Variants in SGSM1 observed in about 807,000 individuals in gnomAD.
SGSM1 encodes RUN and TBC1 domain containing 2.
In SGSM1, 73 loss-of-function variants were observed where a neutral mutation model predicts 133.8. The ratio of observed to expected loss-of-function variants is 0.55; its 90% CI spans 0.45 to 0.66. SGSM1 has a LOEUF of 0.66. Ranked by LOEUF, SGSM1 falls within the 30% of genes least tolerant of loss-of-function variation. SGSM1 has a pLI of 0.00. For missense variants in SGSM1, 1,213 were observed against 1,448.1 expected (o/e 0.84, Z 2.64); for synonymous variants, 563 against 573.0 (o/e 0.98, Z 0.25).
chr22:24,915,111 C>T (rs1933777191), intron 22 of SGSM1, among the ~76,000 whole-genome samples: 2 of 152,240 alleles, frequency 1.3e-5, no homozygotes, highest in Middle Eastern at 3.4e-3. Context: ...CGCCTGTAGT[C>T]CTAGCTACTC....
At chr22:24,835,023 A>G (rs1254240634) in intron 2 of SGSM1, among the ~76,000 whole-genome samples, 1 of 152,020 alleles carries the variant, frequency 6.6e-6, no homozygotes, top group Non-Finnish European at 1.5e-5. Flanking sequence ...TCTGCGTTCA[A>G]CCTGCCTATT....
chr22:24,853,769 ATTTTTTTTT>A (rs57736929), intron 5 of SGSM1, among the ~76,000 whole-genome samples: 2 of 123,434 alleles, frequency 1.6e-5, no homozygotes, highest in African/African-American at 6.7e-5. Context: ...CGCCTGGTGA[ATTTTTTTTT>A]TTTTTTTTTT....
At chr22:24,864,527 A>C (rs1303118743) in intron 9 of SGSM1, among the ~76,000 whole-genome samples, 1 of 152,222 alleles carries the variant, frequency 6.6e-6, no homozygotes. Flanking sequence ...ATATTACAAC[A>C]TGGATGAACC....
At chr22:24,859,476 G>A (rs1930998519) in intron 8 of SGSM1, 1 of 562,618 alleles carries the variant, frequency 1.8e-6, no homozygotes, top group Non-Finnish European at 3.3e-6. Context: ...GAAAGTGATG[G>A]GGGTGGGAGG....
chr22:24,919,764 G>A, intron 23 of SGSM1, 62 bp from the exon 24 acceptor site: 1 of 1,594,796 alleles, frequency 6.3e-7, no homozygotes, highest in Non-Finnish European at 8.6e-7. Context: ...GCTTCCCAAG[G>A]CAGGGCAACA....
rs146384190 is a variant in SGSM1 at position 24,825,499 on chromosome 22, G to A, written c.63+19015G>A. On this transcript the variant is annotated intron_variant, in intron 2 of 24. Coordinates refer to ENST00000400358, the MANE Select transcript of SGSM1 (RefSeq NM_001098497.3). ...GGCTGAAGTGCAGTGGCATGATCTC[G>A]GCTCACTGCAACCCCTGCCTCCTGG... 5.9e-3 allele frequency among the ~76,000 whole-genome samples: 899 copies of A among 152,156 alleles called. 10 individuals are homozygous for A. The highest frequency in any genetic ancestry group is 0.021 in the African/African-American group (852 of 41,500).
chr22:24,852,275 AT>A (rs891095717), intron 5 of SGSM1, among the ~76,000 whole-genome samples: 2 of 152,072 alleles, frequency 1.3e-5, no homozygotes, highest in Non-Finnish European at 2.9e-5. Flanking sequence ...TATTTACTGA[AT>A]TTTTTTATAC....
At chr22:24,912,855 C>A in intron 22 of SGSM1, 103 bp downstream of exon 22, 1 of 713,002 alleles carries the variant, frequency 1.4e-6, no homozygotes, top group South Asian at 1.9e-5. Context: ...GGATTGGAAT[C>A]CAGGTTTGTA....
intron 17 of SGSM1, among the ~76,000 whole-genome samples, chr22:24,894,384 T>C (rs1932869059): frequency 6.6e-6 from 1 of 152,070 alleles, no homozygotes; most frequent in Non-Finnish European, 1.5e-5. Context: ...CGAGCGAAAC[T>C]CCCTCTCAAA....
intron 9 of SGSM1, among the ~76,000 whole-genome samples, chr22:24,866,178 C>T (rs1471850544): frequency 6.6e-6 from 1 of 152,172 alleles, no homozygotes; most frequent in African/African-American, 2.4e-5. Context: ...AATGGAAACA[C>T]TTAAATAATC....
Position 24,884,077 on chromosome 22 carries a change from C to A in SGSM1, c.1520C>A (p.Ser507Tyr). ...YGWLAYCRHL[S>Y]TVRTHLSALV... is the part of the protein sequence containing the mutation. ...GGGCTGGCCTACTGCAGACACCTGT[C>A]CACCGTGAGAACCCACCTATCAGCC... The change falls in exon 15 of 25, where the codon TCC becomes TAC. Residue 507 changes from serine (S) to tyrosine (Y), a missense_variant. Transcript: ENST00000400358. The A allele has an allele frequency of 6.2e-7, 1 of 1,613,080 alleles. No individual in the cohort carries two copies. The highest frequency in any genetic ancestry group is 8.5e-7 in the Non-Finnish European group (1 of 1,179,548).
chr22:24,827,702 C>T (rs1028567686), intron 2 of SGSM1, among the ~76,000 whole-genome samples: 12 of 152,014 alleles, frequency 7.9e-5, no homozygotes, highest in African/African-American at 2.9e-4. Flanking sequence ...TTCAGGCCTC[C>T]TCACCTTACC....
At chr22:24,842,975 G>C (rs993564740) in intron 2 of SGSM1, among the ~76,000 whole-genome samples, 1 of 152,048 alleles carries the variant, frequency 6.6e-6, no homozygotes, top group African/African-American at 2.4e-5. Flanking sequence ...ATTTGCCTGA[G>C]GAAACACAGC....
chr22:24,876,603 G>C lies in SGSM1; in HGVS notation c.1318G>C (p.Val440Leu), dbSNP rs772946127. The C allele has an allele frequency of 2.9e-5, 47 of 1,613,878 alleles. No homozygotes were observed. The highest frequency in any genetic ancestry group is 4.0e-5 in the Non-Finnish European group (47 of 1,179,906). Residue 440 changes from valine (V) to leucine (L), a missense_variant, in exon 13 of 25, where the codon GTA becomes CTA. Val to Leu is a conservative substitution (Grantham distance 32, BLOSUM62 1). Transcript: ENST00000400358. ...FVPQDLMDVS[V>L]SNLPSLWQPS... Reference sequence around the variant, plus strand: ...GCCCCAGGATCTGATGGACGTCTCTGTAAGCAACCTCCCATCCCTGTGGCA... The same window carrying C: ...GCCCCAGGATCTGATGGACGTCTCTCTAAGCAACCTCCCATCCCTGTGGCA...
rs1255575384 is a variant in SGSM1 at position 24,924,489 on chromosome 22, G to C, written c.*215G>C. The stretch of plus-strand genomic sequence containing the variant: ...AATTCAGCCTTACATTTTCCTGTTT[G>C]ACCAAAGATTGCCCAAGTCTGGCGT... On this transcript the variant is annotated 3_prime_UTR_variant, in exon 25 of 25. Coordinates refer to ENST00000400358, the MANE Select transcript of SGSM1 (RefSeq NM_001098497.3). 15 of 549,048 alleles carry C rather than the reference G, an allele frequency of 2.7e-5. No individual in the cohort carries two copies. Among genetic ancestry groups the C allele is most frequent in the Non-Finnish European group, 2.6e-5 (8 of 307,340 alleles). The allele number at this position is 549,048 out of a possible 1,614,324, so 34.0% of individuals were successfully genotyped here. A position where few individuals can be genotyped will look rare whatever the true frequency, so the allele number is the denominator to read the frequency against.
intron 2 of SGSM1, among the ~76,000 whole-genome samples, chr22:24,817,538 A>G (rs1477675337): frequency 6.6e-6 from 1 of 151,942 alleles, no homozygotes; most frequent in Non-Finnish European, 1.5e-5. Context: ...TTTTTAGTAG[A>G]GACTGGGTTT....
intron 2 of SGSM1, among the ~76,000 whole-genome samples, chr22:24,816,614 C>T (rs1219920016): frequency 6.6e-6 from 1 of 152,010 alleles, no homozygotes; most frequent in East Asian, 1.9e-4. Flanking sequence ...ACCATATTGG[C>T]CAGGCTGGTC....
At chr22:24,889,514 A>G (rs1932767516) in intron 16 of SGSM1, among the ~76,000 whole-genome samples, 1 of 151,540 alleles carries the variant, frequency 6.6e-6, no homozygotes, top group South Asian at 2.1e-4. Flanking sequence ...GGCTCAAGCA[A>G]TTACCCTGCC....
Position 24,859,809 on chromosome 22 carries a change from G to A in SGSM1, c.895G>A (p.Gly299Arg), listed in dbSNP as rs796502516. ...GTGGACACCCAACCAGCTGATGAAC[G>A]GGTCTGTGGGGGACCTGGACTATGA... ...LKWTPNQLMN[G>R]SVGDLDYEKS... Residue 299 changes from glycine (G) to arginine (R), a missense_variant, in exon 9 of 25, where the codon GGG (glycine) becomes AGG (arginine). Physicochemically the swap from Gly to Arg is moderately radical, Grantham distance 125. Coordinates refer to ENST00000400358, the MANE Select transcript of SGSM1 (RefSeq NM_001098497.3). 5 of 1,613,740 alleles carry A rather than the reference G, an allele frequency of 3.1e-6. No homozygotes were observed. The highest frequency in any genetic ancestry group is 1.3e-5 in the African/African-American group (1 of 74,914).
Sources: allele counts gnomAD v4.1 joint callset (sites outside exome capture counted in the v4.1 genomes callset), GRCh38; gene constraint gnomAD v4.1.1; transcripts MANE v1.5; gene names NCBI Gene and HGNC (gene_info 2026-07-23, HGNC 2026-07-21).